The following CACNA2D3 variants were observed in gnomAD, a reference collection of about 807,000 sequenced individuals.
CACNA2D3 encodes the protein calcium voltage-gated channel auxiliary subunit alpha2delta 3.
Under a neutral mutation model 160.6 loss-of-function variants are expected in CACNA2D3, and 60 were observed. The observed-to-expected ratio is 0.37, with a 90% CI of 0.30 to 0.46. The LOEUF is 0.46. Ranked by LOEUF, CACNA2D3 falls within the 20% of genes least tolerant of loss-of-function variation. CACNA2D3 has a pLI of 1.00. For synonymous variants in CACNA2D3, 558 were observed against 492.9 expected (o/e 1.13, Z -1.75); for missense variants, 1,205 against 1,365.0 (o/e 0.88, Z 1.85).
chr3:54,686,857 G>A (rs773667808), intron 11 of CACNA2D3, among the ~76,000 whole-genome samples: 1 of 152,112 alleles, frequency 6.6e-6, no homozygotes, highest in Non-Finnish European at 1.5e-5. Context: ...TTCAAGGCTC[G>A]AGAATTTATG....
At chr3:54,500,508 C>CCTTCCTTCCTAT (rs762109892) in intron 4 of CACNA2D3, among the ~76,000 whole-genome samples, 13,390 of 86,248 alleles carry the variant, frequency 0.16, 638 homozygotes, top group South Asian at 0.22. Context: ...TTCCTATCTT[C>CCTTCCTTCCTAT]CTTCCTTCCT....
chr3:54,281,457 G>C (rs549664050), intron 2 of CACNA2D3, among the ~76,000 whole-genome samples: 1 of 152,206 alleles, frequency 6.6e-6, no homozygotes, highest in East Asian at 1.9e-4. Context: ...ATCATGAGGG[G>C]GAGGAAGTGC....
rs141931142 is a variant in CACNA2D3, at chr3:54,329,411, C to T, written c.321+8853C>T. Among the ~76,000 whole-genome samples, 16 of 152,200 alleles carry T rather than the reference C, an allele frequency of 1.1e-4. No individual in the cohort carries two copies. In the East Asian group the frequency reaches 2.9e-3, roughly 28 times the overall value. Reference sequence around the variant, plus strand: ...TATGGGCTACACCCCTTCCCTTTGGCCAGAGAACTCCTGATAAAGGGGAAA... The same window carrying T: ...TATGGGCTACACCCCTTCCCTTTGGTCAGAGAACTCCTGATAAAGGGGAAA... On this transcript the variant is annotated intron_variant, in intron 3 of 37. Coordinates refer to ENST00000474759, the MANE Select transcript of CACNA2D3 (RefSeq NM_018398.3).
intron 36 of CACNA2D3, 60 bp downstream of exon 36, chr3:55,073,617 T>C (rs1314527398): frequency 1.3e-5 from 18 of 1,379,508 alleles, no homozygotes; most frequent in Non-Finnish European, 1.8e-5. Context: ...GTATCAGTGG[T>C]AAGGAAACCT....
At chr3:54,466,117 C>G (rs1057466110) in intron 4 of CACNA2D3, among the ~76,000 whole-genome samples, 1 of 152,172 alleles carries the variant, frequency 6.6e-6, no homozygotes, top group African/African-American at 2.4e-5. Flanking sequence ...GCTTTTGAAT[C>G]GGGTTCACAT....
intron 4 of CACNA2D3, among the ~76,000 whole-genome samples, chr3:54,462,207 C>A (rs1042700205): frequency 7.9e-5 from 12 of 152,056 alleles, no homozygotes; most frequent in East Asian, 3.9e-4. Flanking sequence ...GTATGTGGTC[C>A]ATTTTGGAAT....
intron 4 of CACNA2D3, among the ~76,000 whole-genome samples, chr3:54,474,485 C>T (rs765330863): frequency 6.6e-6 from 1 of 152,038 alleles, no homozygotes; most frequent in South Asian, 2.1e-4. Context: ...CACTATGGCA[C>T]GTGTGTACCT....
At chr3:54,548,527 C>T (rs949948849) in intron 5 of CACNA2D3, among the ~76,000 whole-genome samples, 1 of 152,142 alleles carries the variant, frequency 6.6e-6, no homozygotes, top group Non-Finnish European at 1.5e-5. Flanking sequence ...CATTTAAAAA[C>T]AAATTAAGGG....
chr3:54,810,934 T>G (rs376673395), intron 13 of CACNA2D3, among the ~76,000 whole-genome samples: 14 of 152,330 alleles, frequency 9.2e-5, no homozygotes, highest in African/African-American at 3.4e-4. Context: ...GATCTCTTCC[T>G]CACATCTCCT....
chr3:54,978,113 TA>T (rs1702430989), intron 29 of CACNA2D3, among the ~76,000 whole-genome samples: 2 of 152,174 alleles, frequency 1.3e-5, no homozygotes, highest in African/African-American at 2.4e-5. Flanking sequence ...CCAGCTTCTT[TA>T]CTGCATCCTG....
chr3:54,649,733 T>G (rs1699722220), intron 11 of CACNA2D3, among the ~76,000 whole-genome samples: 2 of 152,248 alleles, frequency 1.3e-5, no homozygotes. Context: ...CTAATCCTAA[T>G]TACTTCCCAA....
At chr3:54,625,364 A>G (rs1699074901) in intron 9 of CACNA2D3, among the ~76,000 whole-genome samples, 1 of 152,258 alleles carries the variant, frequency 6.6e-6, no homozygotes, top group Non-Finnish European at 1.5e-5. Context: ...GAGTAGGTGT[A>G]GCTGACCTGG....
At chr3:54,745,964 T>G (rs1701746494) in intron 11 of CACNA2D3, among the ~76,000 whole-genome samples, 1 of 152,240 alleles carries the variant, frequency 6.6e-6, no homozygotes, top group African/African-American at 2.4e-5. Flanking sequence ...ATTACTTTTG[T>G]AATTTAATTC....
At chr3:54,868,698 G>A (rs1307147) in intron 17 of CACNA2D3, among the ~76,000 whole-genome samples, 11,067 of 152,064 alleles carry the variant, frequency 0.073, 712 homozygotes, top group African/African-American at 0.17. Flanking sequence ...ACATATGAAT[G>A]TGATTGTCTG....
chr3:54,586,778 G>A (rs1365139336), intron 9 of CACNA2D3, among the ~76,000 whole-genome samples: 1 of 152,136 alleles, frequency 6.6e-6, no homozygotes, highest in Non-Finnish European at 1.5e-5. Flanking sequence ...CTGGGTCATA[G>A]TAGAAACCTT....
chr3:54,776,749 C>A (rs1702432445), intron 13 of CACNA2D3, among the ~76,000 whole-genome samples: 1 of 152,136 alleles, frequency 6.6e-6, no homozygotes, highest in Admixed American at 6.5e-5. Flanking sequence ...CTCACATCCT[C>A]CTTTAAGCCC....
At chr3:54,433,863 A>G (rs1700023903) in intron 4 of CACNA2D3, among the ~76,000 whole-genome samples, 2 of 152,352 alleles carry the variant, frequency 1.3e-5, no homozygotes, top group South Asian at 4.1e-4. Flanking sequence ...ATATTCACCC[A>G]GTAGCAGCCA....
intron 2 of CACNA2D3, among the ~76,000 whole-genome samples, chr3:54,135,870 G>A (rs1699805696): frequency 6.6e-6 from 1 of 152,246 alleles, no homozygotes; most frequent in African/African-American, 2.4e-5. Context: ...AATCAGAAAT[G>A]GGCCAGGTCC....
At chr3:54,349,811 C>T (rs1373309526) in intron 3 of CACNA2D3, among the ~76,000 whole-genome samples, 1 of 152,198 alleles carries the variant, frequency 6.6e-6, no homozygotes, top group Non-Finnish European at 1.5e-5. Flanking sequence ...TGTTTAACCT[C>T]AGTCCTCCTT....
Sources: allele counts gnomAD v4.1 joint callset (sites outside exome capture counted in the v4.1 genomes callset), GRCh38; gene constraint gnomAD v4.1.1; transcripts MANE v1.5; gene names NCBI Gene and HGNC (gene_info 2026-07-23, HGNC 2026-07-21).